DSG2: variants seen among roughly 807,000 people sequenced by gnomAD.
DSG2 encodes the protein desmoglein 2.
In DSG2, 45 loss-of-function variants were observed where a neutral mutation model predicts 75.6. That is an observed-to-expected ratio of 0.60 (90% CI 0.47 to 0.76). The LOEUF (loss-of-function observed/expected upper bound fraction) is 0.76, where lower values mean the gene tolerates loss of function less well. Among genes scored for constraint, DSG2 ranks in the 30% least tolerant of loss-of-function variants. The pLI, the probability that DSG2 is intolerant of heterozygous loss-of-function variation, is 0.00. For missense variants in DSG2, 1,267 were observed against 1,357.4 expected, an observed-to-expected ratio of 0.93 and a Z score of 1.05; for synonymous variants, 429 against 483.9, an observed-to-expected ratio of 0.89 and a Z score of 1.49.
chr18:31,503,981 T>C (rs2073026675), intron 1 of DSG2, among the ~76,000 whole-genome samples: 1 of 152,204 alleles, frequency 6.6e-6, no homozygotes, highest in African/African-American at 2.4e-5. Flanking sequence ...GAAACAGTGA[T>C]AGGCAAAGTA....
Position 31,548,917 on chromosome 18 carries a change from G to GA in DSG2, c.*2175dup, listed in dbSNP as rs777028124. 5.9e-5 allele frequency: 9 copies of GA among 152,150 alleles called. No individual in the cohort carries two copies. Among genetic ancestry groups the GA allele is most frequent in the Non-Finnish European group, 1.2e-4 (8 of 68,028 alleles). The allele number at this position is 152,150 out of a possible 1,614,324, so 9.4% of individuals were successfully genotyped here. A position where few individuals can be genotyped will look rare whatever the true frequency, so the allele number is the denominator to read the frequency against. On this transcript the variant is annotated 3_prime_UTR_variant, in exon 15 of 15. Coordinates refer to ENST00000261590, the MANE Select transcript of DSG2 (RefSeq NM_001943.5). ...AAGGAATATAACTCAGTTTGTTAGGGAGAGTGCCTTAAAGGCAGGTGTTTC... is the reference window on the plus strand; with the variant it reads ...AAGGAATATAACTCAGTTTGTTAGGGAAGAGTGCCTTAAAGGCAGGTGTTTC...
intron 1 of DSG2, among the ~76,000 whole-genome samples, chr18:31,508,179 T>C (rs1013555324): frequency 6.6e-6 from 1 of 151,984 alleles, no homozygotes; most frequent in African/African-American, 2.4e-5. Context: ...TAAAATGGTA[T>C]TTTTTGAGTG....
intron 8 of DSG2, among the ~76,000 whole-genome samples, chr18:31,526,494 C>T (rs1226719628): frequency 6.6e-6 from 1 of 152,112 alleles, no homozygotes; most frequent in East Asian, 1.9e-4. Context: ...GTAGCATTAC[C>T]TCATGTTTAA....
At position 31,546,186 on chromosome 18, in the gene DSG2, A is replaced by T. The variant is rs1469730786; in HGVS notation, c.2800A>T (p.Ile934Leu). ...LPDPMASRNV[I>L]ATETSYVTGS... ...TGACCCAATGGCTTCTAGAAATGTG[A>T]TAGCAACAGAAACTTCCTATGTCAC... Residue 934 changes from isoleucine to leucine, a missense_variant, in exon 15 of 15, where the codon ATA becomes TTA. By Grantham distance (5) the Ile-to-Leu change is conservative (BLOSUM62 2). Coordinates refer to ENST00000261590, the MANE Select transcript of DSG2 (RefSeq NM_001943.5). 1 of 1,613,974 alleles carries T rather than the reference A, an allele frequency of 6.2e-7. No individual in the cohort carries two copies. Among genetic ancestry groups the T allele is most frequent in the African/African-American group, 1.3e-5 (1 of 75,012 alleles).
chr18:31,509,290 A>G (rs1386400566), intron 1 of DSG2, among the ~76,000 whole-genome samples: 2 of 152,240 alleles, frequency 1.3e-5, no homozygotes, highest in Admixed American at 6.5e-5. Context: ...CATATTTGTT[A>G]CATTCAGATT....
At chr18:31,513,959 A>ACT (rs1003913716) in intron 1 of DSG2, among the ~76,000 whole-genome samples, 10 of 152,312 alleles carry the variant, frequency 6.6e-5, no homozygotes, top group African/African-American at 2.2e-4. Flanking sequence ...TGTGCAGGAT[A>ACT]CTCAGCCAGT....
At chr18:31,514,822 C>G (rs2073085247) in intron 1 of DSG2, among the ~76,000 whole-genome samples, 1 of 152,096 alleles carries the variant, frequency 6.6e-6, no homozygotes, top group East Asian at 1.9e-4. Flanking sequence ...AAAGTAAATT[C>G]CAATAAAAAT....
At chr18:31,519,549 G>A (rs1261878595) in intron 2 of DSG2, among the ~76,000 whole-genome samples, 4 of 152,122 alleles carry the variant, frequency 2.6e-5, no homozygotes, top group Non-Finnish European at 5.9e-5. Flanking sequence ...GGGTGACAAA[G>A]CAAGACCCTG....
Position 31,546,052 on chromosome 18 carries a change from C to G in DSG2, c.2666C>G (p.Pro889Arg). 1 of 1,614,188 alleles carries G rather than the reference C, an allele frequency of 6.2e-7. No homozygotes were observed. The highest frequency in any genetic ancestry group is 8.5e-7 in the Non-Finnish European group (1 of 1,180,044). ...ACCTACTCCTCTGGCAGTAGCTTCC[C>G]AGTTCCAAAATCTTTGCAAGAAGCC... ...ENTYSSGSSF[P>R]VPKSLQEANA... is the part of the protein sequence containing the mutation. The change falls in exon 15 of 15, where the codon CCA becomes CGA. Residue 889 changes from proline (P) to arginine (R), a missense_variant. Physicochemically the swap from Pro to Arg is moderately radical, Grantham distance 103. Coordinates refer to ENST00000261590, the MANE Select transcript of DSG2 (RefSeq NM_001943.5).
In DSG2 at chr18:31,520,894, T is replaced by C. The variant is rs876657790; in HGVS notation, c.308T>C (p.Val103Ala). 6.2e-6 allele frequency: 10 copies of C among 1,613,844 alleles called. No individual in the cohort carries two copies. The highest frequency in any genetic ancestry group is 1.1e-5 in the South Asian group (1 of 91,072). ...GITEPPFGIF[V>A]FNKDTGELNV... The stretch of plus-strand genomic sequence containing the variant: ...ACAGAGCCACCTTTTGGTATATTTG[T>C]CTTTAACAAAGATACTGGAGAACTG... The change falls in exon 4 of 15, where the codon GTC (valine) becomes GCC (alanine). Residue 103 changes from valine (V) to alanine (A), a missense_variant. By Grantham distance (64) the Val-to-Ala change is moderately conservative (BLOSUM62 0). Coordinates refer to ENST00000261590, the MANE Select transcript of DSG2 (RefSeq NM_001943.5).
intron 14 of DSG2, chr18:31,543,379 G>A (rs897959077): frequency 6.5e-6 from 1 of 153,050 alleles, no homozygotes; most frequent in East Asian, 1.9e-4. Flanking sequence ...CCGTAGGAGA[G>A]GCAGAGGATA....
chr18:31,507,331 T>C (rs2073044176), intron 1 of DSG2, among the ~76,000 whole-genome samples: 1 of 152,248 alleles, frequency 6.6e-6, no homozygotes. Flanking sequence ...CTATCATTGA[T>C]GGGCATTTGG....
chr18:31,518,273 A>G lies in DSG2; in HGVS notation c.80A>G (p.Gln27Arg), dbSNP rs1280066537. The G allele has an allele frequency of 6.2e-7, 1 of 1,613,080 alleles. No homozygotes were observed. Among genetic ancestry groups the G allele is most frequent in the African/African-American group, 1.3e-5 (1 of 75,032 alleles). Residue 27 changes from glutamine to arginine, a missense_variant and splice_region_variant, in exon 2 of 15, where the codon CAG becomes CGG. Physicochemically the swap from Gln to Arg is conservative, Grantham distance 43. Transcript: ENST00000261590. ...AACGTTGGAAGTGGACTTCACTTAC[A>G]GGTGAGGAAACAAAGGGATTATTTC... ...CFNVGSGLHL[Q>R]VLSTRNENKL...
At chr18:31,536,893 G>A (rs2073234369) in intron 11 of DSG2, among the ~76,000 whole-genome samples, 1 of 152,136 alleles carries the variant, frequency 6.6e-6, no homozygotes, top group Non-Finnish European at 1.5e-5. Context: ...TTTAACTGGG[G>A]GTAAGTAAAG....
rs373828870 is a variant in DSG2, at chr18:31,538,729, C to T, written c.1652-22C>T. ...CTTGGTAATCGTTCGTTTTTATTTC[C>T]TTCTGCCTCCCAACCTTGTAGGTAC... On this transcript the variant is annotated intron_variant, in intron 11 of 14. Coordinates refer to ENST00000261590, the MANE Select transcript of DSG2 (RefSeq NM_001943.5). 5.0e-6 allele frequency: 8 copies of T among 1,604,948 alleles called. No homozygotes were observed. In the African/African-American group the frequency reaches 9.4e-5, roughly 19 times the overall value.
At chr18:31,530,778 T>C (rs2073191494) in intron 8 of DSG2, among the ~76,000 whole-genome samples, 2 of 152,154 alleles carry the variant, frequency 1.3e-5, no homozygotes, top group Admixed American at 1.3e-4. Flanking sequence ...TGGTAATACT[T>C]CCTAAACATC....
intron 1 of DSG2, among the ~76,000 whole-genome samples, chr18:31,502,207 A>G (rs2073016943): frequency 6.6e-6 from 1 of 152,208 alleles, no homozygotes; most frequent in South Asian, 2.1e-4. Flanking sequence ...AAGCTAAATT[A>G]AAGTTTCCAA....
chr18:31,523,803 T>C (rs28522238), intron 6 of DSG2, among the ~76,000 whole-genome samples: 20,656 of 152,232 alleles, frequency 0.14, 1,662 homozygotes, highest in African/African-American at 0.23. Flanking sequence ...AGTCAGTAAG[T>C]GACGATGCCA....
rs1791174 is a variant in DSG2, at chr18:31,539,295, T to C, written c.1879+317T>C. ...GCTGTCTGTTCTCTTCACTGCTGTA[T>C]TCCCAGTGTGTGGAACAGAGCCTTG... is the stretch of plus-strand genomic sequence containing the variant. On this transcript the variant is annotated intron_variant, in intron 12 of 14. Transcript: ENST00000261590. Among the ~76,000 whole-genome samples, 34,299 of 152,128 alleles carry C rather than the reference T, an allele frequency of 0.23. 5,981 individuals are homozygous for C. Among genetic ancestry groups the C allele is most frequent in the African/African-American group, 0.49 (20,349 of 41,444 alleles).
Sources: gnomAD v4.1 joint callset for allele counts (sites outside exome capture counted in the v4.1 genomes callset) on GRCh38, gnomAD v4.1.1 for gene constraint, MANE v1.5 for transcripts, NCBI Gene and HGNC (gene_info 2026-07-23, HGNC 2026-07-21) for gene names.